VAC14: variants seen among roughly 807,000 people sequenced by gnomAD.
VAC14 encodes protein VAC14 homolog.
Under a neutral mutation model 85.3 loss-of-function variants are expected in VAC14, and 47 were observed. The ratio of observed to expected loss-of-function variants is 0.55; its 90% CI spans 0.44 to 0.70. VAC14 has a LOEUF of 0.70. Among genes scored for constraint, VAC14 ranks in the 30% least tolerant of loss-of-function variants. The probability of loss-of-function intolerance (pLI) is 0.00; values close to 1 mark genes in which losing one functional copy is unlikely to be tolerated. For synonymous variants in VAC14, 447 were observed against 430.5 expected (o/e 1.04, Z -0.47); for missense variants, 861 against 1,004.3 (o/e 0.86, Z 1.93).
chr16:70,765,399 G>A (rs983878997), intron 10 of VAC14, among the ~76,000 whole-genome samples: 15 of 152,136 alleles, frequency 9.9e-5, no homozygotes, highest in African/African-American at 3.4e-4. Flanking sequence ...GAGCCCCTGG[G>A]GGGAATAACA....
chr16:70,730,297 C>T (rs759349349), intron 14 of VAC14, among the ~76,000 whole-genome samples: 2 of 152,068 alleles, frequency 1.3e-5, no homozygotes, highest in Non-Finnish European at 2.9e-5. Context: ...AATCCAGTCA[C>T]GTTGATCCCC....
chr16:70,793,741 A>C (rs2034432252), intron 1 of VAC14, among the ~76,000 whole-genome samples: 1 of 152,258 alleles, frequency 6.6e-6, no homozygotes, highest in Non-Finnish European at 1.5e-5. Context: ...CAATGACTTT[A>C]CAGGGCTTTT....
chr16:70,707,308 G>A (rs973129720), intron 14 of VAC14, among the ~76,000 whole-genome samples: 21 of 152,358 alleles, frequency 1.4e-4, no homozygotes, highest in African/African-American at 3.8e-4. Context: ...TAATGCAGTC[G>A]ATGTGTCTGG....
chr16:70,758,575 C>G (rs1303621914), intron 12 of VAC14, among the ~76,000 whole-genome samples: 26 of 152,188 alleles, frequency 1.7e-4, no homozygotes, highest in Admixed American at 1.7e-3. Flanking sequence ...ATGGAGAGGG[C>G]CCCCATCCCG....
chr16:70,707,864 C>T (rs2053951674), intron 14 of VAC14, among the ~76,000 whole-genome samples: 2 of 151,134 alleles, frequency 1.3e-5, no homozygotes, highest in Admixed American at 6.6e-5. Context: ...GATCTTGGCT[C>T]GCTGCAACCT....
At chr16:70,766,390 G>C (rs2032815964) in intron 10 of VAC14, 1 of 437,856 alleles carries the variant, frequency 2.3e-6, no homozygotes, top group East Asian at 7.1e-5. Flanking sequence ...CACGGAGCTG[G>C]TATGTGAACT....
At chr16:70,796,620 A>C (rs751693998) in intron 1 of VAC14, among the ~76,000 whole-genome samples, 1 of 152,204 alleles carries the variant, frequency 6.6e-6, no homozygotes, top group African/African-American at 2.4e-5. Flanking sequence ...AAACAGGGTA[A>C]CACCACCACG....
chr16:70,793,953 T>C (rs558720105), intron 1 of VAC14, among the ~76,000 whole-genome samples: 18 of 152,122 alleles, frequency 1.2e-4, no homozygotes, highest in Non-Finnish European at 2.2e-4. Flanking sequence ...AATGAGCAGA[T>C]ATGACGTAGG....
chr16:70,753,955 G>A (rs1006578924), intron 12 of VAC14, among the ~76,000 whole-genome samples: 5 of 152,146 alleles, frequency 3.3e-5, no homozygotes, highest in African/African-American at 1.2e-4. Context: ...CTGCCGCTGG[G>A]AGAGCCGCCT....
intron 13 of VAC14, among the ~76,000 whole-genome samples, chr16:70,737,197 C>T (rs1486482542): frequency 2.0e-5 from 3 of 152,220 alleles, no homozygotes; most frequent in African/African-American, 7.2e-5. Flanking sequence ...GGCTCTGGCT[C>T]ATCTGCTCTT....
chr16:70,771,254 T>G (rs2033198326), intron 10 of VAC14: 1 of 152,264 alleles, frequency 6.6e-6, no homozygotes, highest in Non-Finnish European at 1.5e-5. Context: ...CTGCCTGGTC[T>G]GCACTGCCCC....
At chr16:70,693,311 C>T (rs1179128433) in intron 17 of VAC14, among the ~76,000 whole-genome samples, 1 of 152,234 alleles carries the variant, frequency 6.6e-6, no homozygotes, top group African/African-American at 2.4e-5. Context: ...TGGTCTGTTT[C>T]CCGCCCCCCG....
At chr16:70,774,868 C>T (rs1260732819) in intron 9 of VAC14, among the ~76,000 whole-genome samples, 1 of 151,774 alleles carries the variant, frequency 6.6e-6, no homozygotes, top group Non-Finnish European at 1.5e-5. Flanking sequence ...GCCTCAGCTT[C>T]CTGAGTAGCT....
At position 70,800,795 on chromosome 16, in the gene VAC14, A is replaced by C. The variant is rs1015359196; in HGVS notation, c.104+2T>G. The C allele has an allele frequency of 5.0e-6, 8 of 1,609,842 alleles. No individual in the cohort carries two copies. The highest frequency in any genetic ancestry group is 6.8e-6 in the Non-Finnish European group (8 of 1,178,090). On this transcript the variant is annotated splice_donor_variant, in intron 1 of 18. Coordinates refer to ENST00000261776, the MANE Select transcript of VAC14 (RefSeq NM_018052.5). LOFTEE classifies it high-confidence loss of function. ...CCAGGGAGGGGTCCTGGCGGCTCTT[A>C]CTTCTCGATCTCCAGCGCTGCCACC...
intron 12 of VAC14, chr16:70,755,001 T>C (rs1353742136): frequency 1.8e-5 from 3 of 163,214 alleles, no homozygotes; most frequent in South Asian, 1.3e-4. Flanking sequence ...TCTCAGACCA[T>C]CCAGTCCAAC....
At chr16:70,701,193 CTG>C (rs1162723609) in intron 14 of VAC14, among the ~76,000 whole-genome samples, 8 of 152,326 alleles carry the variant, frequency 5.3e-5, no homozygotes, top group Middle Eastern at 6.8e-3. Context: ...TCTCTCTAGT[CTG>C]TGCCTCTTGG....
intron 13 of VAC14, among the ~76,000 whole-genome samples, chr16:70,738,268 G>A (rs551807063): frequency 6.6e-5 from 10 of 152,296 alleles, no homozygotes; most frequent in Non-Finnish European, 1.0e-4. Flanking sequence ...GCACAGCTAC[G>A]TAGACAAAGG....
Position 70,786,223 on chromosome 16 carries a change from G to C in VAC14, c.247C>G (p.Leu83Val). ...TTGGGTGAAAGGCCCACCTTGCCCA[G>C]TGCGATGGAGCAGGCGGCCAGGCCG... ...LIGLAACSIA[L>V]GKDSGLYLKE... Residue 83 changes from leucine (L) to valine (V), a missense_variant, in exon 2 of 19, where the codon CTG (leucine) becomes GTG (valine). Around this residue, in one of 3 missense-constraint regions of VAC14, gnomAD observed 629 missense variants for 703.1 expected, o/e 0.89. Coordinates refer to ENST00000261776, the MANE Select transcript of VAC14 (RefSeq NM_018052.5). 1 of 1,614,144 alleles carries C rather than the reference G, an allele frequency of 6.2e-7. No individual in the cohort carries two copies. Among genetic ancestry groups the C allele is most frequent in the Non-Finnish European group, 8.5e-7 (1 of 1,180,002 alleles).
At chr16:70,744,703 G>C in intron 12 of VAC14, 124 bp from the exon 13 acceptor site, 1 of 1,240,682 alleles carries the variant, frequency 8.1e-7, no homozygotes, top group South Asian at 1.6e-5. Flanking sequence ...GATGACAGCA[G>C]GCTGGGAAGA....
Sources: gnomAD v4.1 joint callset for allele counts (sites outside exome capture counted in the v4.1 genomes callset) on GRCh38, gnomAD v4.1.1 for gene constraint, gnomAD v4.1.1 regional missense constraint, MANE v1.5 for transcripts, NCBI Gene and HGNC (gene_info 2026-07-23, HGNC 2026-07-21) for gene names.